Variants in MCF2L observed in about 807,000 individuals in gnomAD.
MCF2L encodes guanine nucleotide exchange factor DBS.
Under a neutral mutation model 153.4 loss-of-function variants are expected in MCF2L, and 97 were observed. That is an observed-to-expected ratio of 0.63 (90% CI 0.54 to 0.75). The LOEUF (loss-of-function observed/expected upper bound fraction) is 0.75, where lower values mean the gene tolerates loss of function less well. MCF2L is among the 30% of genes least tolerant of loss of function. The pLI, the probability that MCF2L is intolerant of heterozygous loss-of-function variation, is 0.00. For synonymous variants in MCF2L, 659 were observed against 632.2 expected (o/e 1.04, Z -0.64); for missense variants, 1,347 against 1,495.2 (o/e 0.90, Z 1.64).
At chr13:113,065,313 T>G in intron 7 of MCF2L, 2 of 547,864 alleles carry the variant, frequency 3.7e-6, no homozygotes, top group Non-Finnish European at 6.4e-6. Flanking sequence ...ACCCTGTAGA[T>G]TGCTGGCTGC....
At chr13:112,953,171 A>G (rs1002430550) in intron 2 of MCF2L, among the ~76,000 whole-genome samples, 2 of 152,164 alleles carry the variant, frequency 1.3e-5, no homozygotes, top group Admixed American at 6.5e-5. Context: ...TTTTGGAATC[A>G]GTATTTACTT....
chr13:113,085,278 A>G, intron 20 of MCF2L, 100 bp downstream of exon 20: 1 of 946,016 alleles, frequency 1.1e-6, no homozygotes, highest in Admixed American at 2.1e-5. Context: ...TGCCCCTCCC[A>G]GGCCAAGGGC....
intron 1 of MCF2L, among the ~76,000 whole-genome samples, chr13:112,970,262 T>G (rs2081993320): frequency 6.6e-6 from 1 of 152,186 alleles, no homozygotes; most frequent in Non-Finnish European, 1.5e-5. Flanking sequence ...CCATTACTAG[T>G]TGTCTAACTA....
intron 2 of MCF2L, among the ~76,000 whole-genome samples, chr13:112,949,729 A>G (rs1199700848): frequency 6.6e-6 from 1 of 150,484 alleles, no homozygotes; most frequent in Admixed American, 6.6e-5. Flanking sequence ...AGATAGGAGT[A>G]GAGGGGGGGA....
At chr13:112,920,273 A>G (rs2081339141) in intron 2 of MCF2L, among the ~76,000 whole-genome samples, 1 of 152,216 alleles carries the variant, frequency 6.6e-6, no homozygotes, top group African/African-American at 2.4e-5. Flanking sequence ...TCTAACAGAA[A>G]ACATAGAGTT....
In MCF2L at chr13:113,070,352, T is replaced by G. The variant is rs767577191; in HGVS notation, c.996+179T>G. The G allele has an allele frequency of 5.7e-5, 27 of 474,548 alleles. No individual in the cohort carries two copies. Among genetic ancestry groups the G allele is most frequent in the Non-Finnish European group, 8.9e-5 (24 of 271,184 alleles). 29.4% of individuals were successfully genotyped at this position (474,548 alleles called of 1,614,324 possible). ...GATTAAGTCAGGCTGAGCCTTGAAA[T>G]GCACGATTGATGACTGCGTCATTGT... On this transcript the variant is annotated intron_variant, in intron 9 of 29. Coordinates refer to ENST00000535094, the MANE Select transcript of MCF2L (RefSeq NM_001112732.3). This position sits in a 1 kb window ranked among gnomAD's most constrained non-coding sequence, Gnocchi z 5.6.
chr13:113,065,185 G>A, intron 7 of MCF2L, 100 bp downstream of exon 7: 1 of 1,457,496 alleles, frequency 6.9e-7, no homozygotes, highest in East Asian at 2.3e-5. Context: ...TTTCGTCCCA[G>A]CGGGAGTTTG....
At chr13:113,029,926 G>C (rs971690319) in intron 3 of MCF2L, among the ~76,000 whole-genome samples, 1 of 152,206 alleles carries the variant, frequency 6.6e-6, no homozygotes, top group East Asian at 1.9e-4. Context: ...CTGCTTTTAA[G>C]GGGTTTCAAC....
At chr13:113,056,889 GTGTT>G (rs1191473710) in intron 4 of MCF2L, among the ~76,000 whole-genome samples, 1 of 138,110 alleles carries the variant, frequency 7.2e-6, no homozygotes, top group Non-Finnish European at 1.5e-5. Flanking sequence ...TGGGTGCTGT[GTGTT>G]TGGGTGCTGA....
At chr13:113,090,007 G>A (rs910339712) in intron 26 of MCF2L, 20 of 1,600,708 alleles carry the variant, frequency 1.2e-5, no homozygotes, top group Middle Eastern at 1.7e-4. Flanking sequence ...TGCGACAGCC[G>A]GACCCGCCTC....
At position 113,013,034 on chromosome 13, in the gene MCF2L, G is replaced by A. The variant is rs972578689; in HGVS notation, c.80-1729G>A. On this transcript the variant is annotated intron_variant, in intron 1 of 29. Transcript: ENST00000535094. Reference sequence around the variant, plus strand: ...GCCCCCACGGTCTGTGAGGCAGGCAGGGGATTGAGGACAGTGCCTCCTGGT... The same window carrying A: ...GCCCCCACGGTCTGTGAGGCAGGCAAGGGATTGAGGACAGTGCCTCCTGGT... 6.6e-5 allele frequency among the ~76,000 whole-genome samples: 10 copies of A among 152,190 alleles called. 1 individual carries two copies. The highest frequency in any genetic ancestry group is 2.2e-4 in the African/African-American group (9 of 41,504).
At chr13:113,089,768 ACACGGAGCTGCT>A (rs776688354) in intron 26 of MCF2L, 40 bp downstream of exon 26, 2 of 1,597,060 alleles carry the variant, frequency 1.3e-6, no homozygotes, top group Admixed American at 1.7e-5. Flanking sequence ...CGGAGGCCTC[ACACGGAGCTGCT>A]CACGGAGTGC....
intron 2 of MCF2L, among the ~76,000 whole-genome samples, chr13:112,918,312 C>T (rs1424164978): frequency 6.6e-6 from 1 of 152,178 alleles, no homozygotes; most frequent in African/African-American, 2.4e-5. Context: ...ATCACAGGAA[C>T]GTCACGAGAA....
At position 113,031,576 on chromosome 13, in the gene MCF2L, A is replaced by C. The variant is rs911021042; in HGVS notation, c.278+6818A>C. On this transcript the variant is annotated intron_variant, in intron 3 of 29. Transcript: ENST00000535094. The surrounding 1 kb of genome is among the most constrained non-coding windows in gnomAD (Gnocchi z 5.5). ...CATGAGCTGCCAGAATGCAGGGTGG[A>C]GGGAGAATGCGGGGTGGAGGGAGGA... 1.3e-5 allele frequency among the ~76,000 whole-genome samples: 2 copies of C among 151,280 alleles called. No individual in the cohort carries two copies. The highest frequency in any genetic ancestry group is 4.9e-5 in the African/African-American group (2 of 41,110).
At chr13:113,044,406 A>G in intron 3 of MCF2L, 1 of 404,936 alleles carries the variant, frequency 2.5e-6, no homozygotes, top group Non-Finnish European at 4.7e-6. Context: ...AATGATGCTC[A>G]CAGAGAGCGG....
rs760960049 is a variant in MCF2L, at chr13:113,088,543, G to A, written c.2768-19G>A. 6.2e-7 allele frequency: 1 copy of A among 1,611,602 alleles called. No individual in the cohort carries two copies. The highest frequency in any genetic ancestry group is 8.5e-7 in the Non-Finnish European group (1 of 1,179,646). On this transcript the variant is annotated intron_variant, in intron 24 of 29. Transcript: ENST00000535094. ...GTAAAGACGCTCGTTCACGTGGTTT[G>A]TCTGCTCCCTCCTCGCAGAAGCCAG... is the stretch of plus-strand genomic sequence containing the variant.
At chr13:112,926,161 C>T (rs1340329787) in intron 2 of MCF2L, among the ~76,000 whole-genome samples, 7 of 152,096 alleles carry the variant, frequency 4.6e-5, no homozygotes, top group Non-Finnish European at 1.0e-4. Context: ...GAGTGCGGTA[C>T]GGCCTGCTCT....
intron 3 of MCF2L, among the ~76,000 whole-genome samples, chr13:113,038,881 G>A (rs557175284): frequency 5.3e-4 from 81 of 152,182 alleles, no homozygotes; most frequent in African/African-American, 1.3e-3. Context: ...TTTTTGAGGC[G>A]GAGTCTCGCT....
intron 1 of MCF2L, among the ~76,000 whole-genome samples, chr13:113,003,131 G>C (rs2083474054): frequency 6.6e-6 from 1 of 152,234 alleles, no homozygotes; most frequent in Admixed American, 6.5e-5. Context: ...AGGTATGATT[G>C]CACAACTGTA....
Sources: gnomAD v4.1 joint callset for allele counts (sites outside exome capture counted in the v4.1 genomes callset) on GRCh38, gnomAD v4.1.1 for gene constraint, Gnocchi (gnomAD v3.1) non-coding constraint, MANE v1.5 for transcripts, NCBI Gene and HGNC (gene_info 2026-07-23, HGNC 2026-07-21) for gene names.